The following VRK2 variants were observed in gnomAD, a reference collection of about 807,000 sequenced individuals.
The protein encoded by VRK2 is serine/threonine-protein kinase VRK2.
A neutral mutation model predicts 57.6 loss-of-function variants in VRK2; 60 were observed. The ratio of observed to expected loss-of-function variants is 1.04; its 90% CI spans 0.85 to 1.29. VRK2 has a LOEUF of 1.29. Ranked by LOEUF, VRK2 falls within the 50% of genes most tolerant of loss-of-function variation. The pLI is 0.00. For missense variants in VRK2, 705 were observed against 588.1 expected, an observed-to-expected ratio of 1.20 and a Z score of -2.06; for synonymous variants, 231 against 199.2, an observed-to-expected ratio of 1.16 and a Z score of -1.35.
chr2:57,934,920 G>C (rs1248982604), intron 1 of VRK2, among the ~76,000 whole-genome samples: 9 of 151,920 alleles, frequency 5.9e-5, no homozygotes, highest in Non-Finnish European at 1.2e-4. Flanking sequence ...TGTTTGGCTT[G>C]TTTTGATGAT....
chr2:58,055,151 T>C (rs1202751395), intron 2 of VRK2, among the ~76,000 whole-genome samples: 1 of 152,192 alleles, frequency 6.6e-6, no homozygotes, highest in Non-Finnish European at 1.5e-5. Flanking sequence ...TGACTTTTGC[T>C]GCGTTCTGCA....
Position 58,064,605 on chromosome 2 carries a change from T to G in VRK2, c.136+15638T>G, listed in dbSNP as rs200694600. On this transcript the variant is annotated intron_variant, in intron 2 of 12. Transcript: ENST00000340157. ...CAACCAAAAAATTCACACTACTTGC[T>G]TCATGGCAATATTCATTTTATTGCA... Among the ~76,000 whole-genome samples the G allele has an allele frequency of 3.9e-5, 6 of 152,254 alleles. No individual in the cohort carries two copies. In the East Asian group the frequency reaches 1.2e-3, roughly 29 times the overall value.
chr2:58,115,842 T>C (rs1253201817), intron 7 of VRK2, among the ~76,000 whole-genome samples: 1 of 152,166 alleles, frequency 6.6e-6, no homozygotes, highest in East Asian at 1.9e-4. Flanking sequence ...AGGGTCAGTC[T>C]AAGTGAAGGC....
chr2:57,964,055 T>C (rs1005867107), intron 1 of VRK2, among the ~76,000 whole-genome samples: 3 of 152,158 alleles, frequency 2.0e-5, no homozygotes, highest in Admixed American at 1.3e-4. Context: ...AAATATATGA[T>C]TGAGCCTCAA....
chr2:57,964,566 C>A (rs546599703), intron 1 of VRK2, among the ~76,000 whole-genome samples: 1 of 151,988 alleles, frequency 6.6e-6, no homozygotes, highest in Non-Finnish European at 1.5e-5. Flanking sequence ...TGTTCAAGAG[C>A]CAAATGTATG....
intron 7 of VRK2, among the ~76,000 whole-genome samples, chr2:58,102,683 C>G (rs1674165570): frequency 6.6e-6 from 1 of 151,342 alleles, no homozygotes; most frequent in African/African-American, 2.4e-5. Context: ...CTCACAGCAC[C>G]AGACAGATCA....
chr2:58,008,725 A>G (rs542619207), intron 1 of VRK2, among the ~76,000 whole-genome samples: 10 of 152,310 alleles, frequency 6.6e-5, no homozygotes, highest in Admixed American at 4.6e-4. Context: ...GGAAATGGTT[A>G]ATACATAATT....
intron 12 of VRK2, among the ~76,000 whole-genome samples, chr2:58,150,602 A>AT (rs1682871115): frequency 2.0e-5 from 1 of 49,838 alleles, no homozygotes; most frequent in African/African-American, 7.6e-5. Flanking sequence ...GGTTTTGTTG[A>AT]TTTTTTTAAA....
At chr2:58,138,257 T>C (rs1680827911) in intron 10 of VRK2, among the ~76,000 whole-genome samples, 1 of 152,166 alleles carries the variant, frequency 6.6e-6, no homozygotes, top group Non-Finnish European at 1.5e-5. Flanking sequence ...CCTTTAGAAA[T>C]TGGATACCCC....
At chr2:58,138,310 A>G (rs913853652) in intron 10 of VRK2, among the ~76,000 whole-genome samples, 14 of 152,210 alleles carry the variant, frequency 9.2e-5, no homozygotes, top group Non-Finnish European at 1.9e-4. Flanking sequence ...AGTTATAAAT[A>G]TGGTGATAAA....
At chr2:58,077,738 A>C (rs1572975127) in intron 2 of VRK2, among the ~76,000 whole-genome samples, 1 of 152,008 alleles carries the variant, frequency 6.6e-6, no homozygotes. Context: ...CTATTGAAAA[A>C]TAATGTGCGT....
intron 1 of VRK2, among the ~76,000 whole-genome samples, chr2:57,997,911 GA>G (rs1672975447): frequency 2.1e-5 from 3 of 146,124 alleles, no homozygotes; most frequent in African/African-American, 7.7e-5. Flanking sequence ...AAAAAAAAAA[GA>G]AAAAAAAGGA....
chr2:57,919,820 A>AT (rs1670280229), intron 1 of VRK2, among the ~76,000 whole-genome samples: 1 of 152,094 alleles, frequency 6.6e-6, no homozygotes, highest in Non-Finnish European at 1.5e-5. Context: ...GAAGTCAGTA[A>AT]TTTTTTTTTA....
chr2:57,979,186 T>A (rs937370894), intron 1 of VRK2, among the ~76,000 whole-genome samples: 2 of 151,130 alleles, frequency 1.3e-5, no homozygotes, highest in Non-Finnish European at 2.9e-5. Flanking sequence ...TACCCAGTAA[T>A]GGGATTGCTG....
At chr2:57,919,474 G>A (rs1670265264) in intron 1 of VRK2, among the ~76,000 whole-genome samples, 1 of 151,892 alleles carries the variant, frequency 6.6e-6, no homozygotes, top group East Asian at 1.9e-4. Flanking sequence ...TTTTCAAATT[G>A]GAGAATACAG....
chr2:58,118,406 C>T (rs1159413175), intron 7 of VRK2, among the ~76,000 whole-genome samples: 16 of 152,104 alleles, frequency 1.1e-4, no homozygotes, highest in African/African-American at 1.7e-4. Flanking sequence ...ATGGATAAAA[C>T]GTGTCTCCTT....
intron 7 of VRK2, among the ~76,000 whole-genome samples, chr2:58,090,174 T>C (rs1231712922): frequency 6.6e-6 from 1 of 152,074 alleles, no homozygotes; most frequent in Non-Finnish European, 1.5e-5. Context: ...GGTGAGTGGA[T>C]CACCTGAGGA....
chr2:57,960,903 AGAG>A (rs1558513871), intron 1 of VRK2, among the ~76,000 whole-genome samples: 1 of 152,236 alleles, frequency 6.6e-6, no homozygotes, highest in Non-Finnish European at 1.5e-5. Context: ...CTCTCTTCCG[AGAG>A]GAGCAACATG....
chr2:57,941,721 G>T (rs1401100), intron 1 of VRK2, among the ~76,000 whole-genome samples: 95,888 of 151,990 alleles, frequency 0.63, 30,347 homozygotes, highest in African/African-American at 0.7. Context: ...TTGCATTATT[G>T]CTGCTGTTAA....
Sources: allele counts gnomAD v4.1 joint callset (sites outside exome capture counted in the v4.1 genomes callset), GRCh38; gene constraint gnomAD v4.1.1; transcripts MANE v1.5; gene names NCBI Gene and HGNC (gene_info 2026-07-23, HGNC 2026-07-21).